The following LRCH4 variants were observed in gnomAD, a reference collection of about 807,000 sequenced individuals.
LRCH4 encodes the protein leucine rich repeats and calponin homology domain containing 4.
Under a neutral mutation model 81.2 loss-of-function variants are expected in LRCH4, and 56 were observed. The ratio of observed to expected loss-of-function variants is 0.69; its 90% CI spans 0.56 to 0.86. The LOEUF is 0.86. LRCH4 is among the 40% of genes least tolerant of loss of function. LRCH4 has a pLI of 0.00. For missense variants in LRCH4, 895 were observed against 922.8 expected (o/e 0.97, Z 0.39); for synonymous variants, 442 against 409.7 (o/e 1.08, Z -0.95).
At chr7:100,576,654 G>T in intron 14 of LRCH4, 40 bp downstream of exon 14, 1 of 1,517,386 alleles carries the variant, frequency 6.6e-7, no homozygotes, top group Non-Finnish European at 9.0e-7. Context: ...GTTGGTGCTG[G>T]CAAGCACTGG....
rs1370635881 is a variant in LRCH4 at position 100,578,560 on chromosome 7, C to T, written c.736-49G>A. On this transcript the variant is annotated intron_variant, in intron 5 of 17. Transcript: ENST00000310300. The surrounding 1 kb of genome is among the most constrained non-coding windows in gnomAD (Gnocchi z 5.7). Reference sequence around the variant, plus strand: ...AGGGAGTTGGCAGGGAGGGCAGCTCCCCGGATCCTGCTCAGCTATCCAAGG... The same window carrying T: ...AGGGAGTTGGCAGGGAGGGCAGCTCTCCGGATCCTGCTCAGCTATCCAAGG... 6.2e-7 allele frequency: 1 copy of T among 1,602,466 alleles called. No homozygotes were observed. Among genetic ancestry groups the T allele is most frequent in the Non-Finnish European group, 8.5e-7 (1 of 1,172,766 alleles).
Position 100,581,786 on chromosome 7 carries a change from G to A in LRCH4, c.589C>T (p.Leu197=). The stretch of plus-strand genomic sequence containing the variant: ...TCTTCATTCTTCTCACCTTCGGGCA[G>A]CGTACTGAGCTGGTTCCTCCGGACA... ...LNVRRNQLST[L]PEELGDLPLV... is the part of the protein sequence containing the mutation. Residue 197 remains leucine, a synonymous_variant, in exon 4 of 18, where the codon CTG becomes TTG. Transcript: ENST00000310300. 6.2e-7 allele frequency: 1 copy of A among 1,614,140 alleles called. No homozygotes were observed. Among genetic ancestry groups the A allele is most frequent in the Non-Finnish European group, 8.5e-7 (1 of 1,179,972 alleles).
In LRCH4 at chr7:100,577,544, G is replaced by A. The variant is rs146289675; in HGVS notation, c.1131C>T (p.Pro377=). 235 of 1,610,640 alleles carry A rather than the reference G, an allele frequency of 1.5e-4. 1 individual carries two copies. The highest frequency in any genetic ancestry group is 1.8e-4 in the Non-Finnish European group (217 of 1,179,930). The stretch of plus-strand genomic sequence containing the variant: ...TGTCCCCTGCCCCAGGGCTTAATTC[G>A]GGTGGTCGCTGCTCCTAAGGAGAGA... ...ERGTVEEQRP[P]ELSPGAGDRE... The change falls in exon 10 of 18, where the codon CCC becomes CCT. Residue 377 remains proline, a synonymous_variant. Transcript: ENST00000310300. The surrounding 1 kb of genome is among the most constrained non-coding windows in gnomAD (Gnocchi z 6.7).
intron 4 of LRCH4, chr7:100,579,023 C>G (rs1479064862): frequency 1.7e-5 from 9 of 544,062 alleles, no homozygotes; most frequent in Non-Finnish European, 2.9e-5. Context: ...CTCAGCTTCC[C>G]CGGGAAGGCC....
rs1801737415 is a variant in LRCH4, at chr7:100,586,079, G to C, written c.22C>G (p.Pro8Ala). Residue 8 changes from proline to alanine, a missense_variant, in exon 1 of 18, where the codon CCA becomes GCA. Transcript: ENST00000310300. ...GCCTCCTCACCCCCGGCGGCGAGTG[G>C]AGCCGCTACGGCCGCCGCCATCCGC... MAAAVAA[P>A]LAAGGEEAAA... 7 of 1,543,872 alleles carry C rather than the reference G, an allele frequency of 4.5e-6. No individual in the cohort carries two copies. Among genetic ancestry groups the C allele is most frequent in the Admixed American group, 2.0e-5 (1 of 50,244 alleles).
Position 100,577,971 on chromosome 7 carries a change from T to TG in LRCH4, c.949-60dup, listed in dbSNP as rs147314525. 3.9e-3 allele frequency: 5,666 copies of TG among 1,436,642 alleles called. 204 individuals are homozygous for TG. The African/African-American group carries it at 0.071, about 18-fold the overall frequency. 89.0% of individuals were successfully genotyped at this position (1,436,642 alleles called of 1,614,324 possible). ...TCTCTGTACATGGGGGCTCAGGACCTGGGGGGTCCTGTGTGGGACTAAGCT... is the reference window on the plus strand; with the variant it reads ...TCTCTGTACATGGGGGCTCAGGACCTGGGGGGGTCCTGTGTGGGACTAAGCT... On this transcript the variant is annotated intron_variant, in intron 7 of 17. Transcript: ENST00000310300. This position sits in a 1 kb window ranked among gnomAD's most constrained non-coding sequence, Gnocchi z 6.7.
At position 100,575,290 on chromosome 7, in the gene LRCH4, C is replaced by T. The variant is rs1472692862; in HGVS notation, c.1869G>A (p.Ser623=). ...CAGTGCCCTGGAGGAGATCCGAGGGCGAGCACAGGTCAGCCTGGGGGAGAG... is the reference window on the plus strand; with the variant it reads ...CAGTGCCCTGGAGGAGATCCGAGGGTGAGCACAGGTCAGCCTGGGGGAGAG... ...KMGVPEADLC[S]PSDLLQGTAR... Residue 623 remains serine, a synonymous_variant, in exon 18 of 18, where the codon TCG becomes TCA. Transcript: ENST00000310300. This position sits in a 1 kb window ranked among gnomAD's most constrained non-coding sequence, Gnocchi z 5.3. 9.0e-6 allele frequency: 14 copies of T among 1,553,668 alleles called. No homozygotes were observed. The highest frequency in any genetic ancestry group is 1.7e-4 in the Middle Eastern group (1 of 5,960).
chr7:100,584,954 GCCT>G (rs1801679214), intron 1 of LRCH4: 1 of 366,202 alleles, frequency 2.7e-6, no homozygotes, highest in African/African-American at 2.1e-5. Flanking sequence ...GTCATAGGCT[GCCT>G]CCTGAGTAGC....
rs1397287169 is a variant in LRCH4 at position 100,583,597 on chromosome 7, TGA to T, written c.221-1140_221-1139del. On this transcript the variant is annotated intron_variant, in intron 1 of 17. Coordinates refer to ENST00000310300, the MANE Select transcript of LRCH4 (RefSeq NM_002319.5). This position sits in a 1 kb window ranked among gnomAD's most constrained non-coding sequence, Gnocchi z 4.3. ...AGGAAATGAGTCTTGTGACAGGAAATGAAGTAGAAACAATCTGTCAGGTTCTG... is the reference window on the plus strand; with the variant it reads ...AGGAAATGAGTCTTGTGACAGGAAATAGTAGAAACAATCTGTCAGGTTCTG... Among the ~76,000 whole-genome samples, 1 of 152,078 alleles carries T rather than the reference TGA, an allele frequency of 6.6e-6. No individual in the cohort carries two copies. Among genetic ancestry groups the T allele is most frequent in the African/African-American group, 2.4e-5 (1 of 41,408 alleles).
intron 15 of LRCH4, 83 bp downstream of exon 15, chr7:100,576,155 G>A (rs1007306168): frequency 1.6e-5 from 24 of 1,511,560 alleles, no homozygotes; most frequent in Non-Finnish European, 1.9e-5. Context: ...CAGAGGATGT[G>A]GAGGGAGGCT....
In LRCH4 at chr7:100,582,109, T is replaced by C; in HGVS notation, c.424A>G (p.Ile142Val). The C allele has an allele frequency of 1.2e-6, 2 of 1,612,526 alleles. No individual in the cohort carries two copies. Among genetic ancestry groups the C allele is most frequent in the Middle Eastern group, 3.9e-4 (2 of 5,128 alleles). The change falls in exon 3 of 18, where the codon ATC (isoleucine) becomes GTC (valine). Residue 142 changes from isoleucine (I) to valine (V), a missense_variant. Physicochemically the swap from Ile to Val is conservative, Grantham distance 29. Coordinates refer to ENST00000310300, the MANE Select transcript of LRCH4 (RefSeq NM_002319.5). This position sits in a 1 kb window ranked among gnomAD's most constrained non-coding sequence, Gnocchi z 5.0. ...YICQLPLRVLIVSNNKLGALP... is the reference protein window; with the variant it reads ...YICQLPLRVLVVSNNKLGALP... ...GCTCCCAGCTTGTTGTTGCTGACGATGAGGACCCTCAGGGGCAGCTGGCAG... is the reference window on the plus strand; with the variant it reads ...GCTCCCAGCTTGTTGTTGCTGACGACGAGGACCCTCAGGGGCAGCTGGCAG...
chr7:100,582,048 C>T lies in LRCH4; in HGVS notation c.485G>A (p.Arg162Gln), dbSNP rs1181461905. ...TCCCGTCCCCATCCTCACAAGCTGT[C>T]GCAGGCTTCCCAGGGTGCCGATGTC... ...PPDIGTLGSL[R>Q]QLDVSSNELQ... Residue 162 changes from arginine (R) to glutamine (Q), a missense_variant, in exon 3 of 18, where the codon CGA becomes CAA. Coordinates refer to ENST00000310300, the MANE Select transcript of LRCH4 (RefSeq NM_002319.5). This position sits in a 1 kb window ranked among gnomAD's most constrained non-coding sequence, Gnocchi z 5.0. 1.1e-5 allele frequency: 17 copies of T among 1,609,244 alleles called. No individual in the cohort carries two copies. Among genetic ancestry groups the T allele is most frequent in the Non-Finnish European group, 1.4e-5 (16 of 1,178,582 alleles).
intron 3 of LRCH4, 49 bp from the exon 4 acceptor site, chr7:100,581,931 G>A (rs754972810): frequency 6.2e-7 from 1 of 1,610,934 alleles, no homozygotes; most frequent in South Asian, 1.1e-5. Flanking sequence ...AGGCCCAGCA[G>A]AACCCACCCT....
intron 4 of LRCH4, among the ~76,000 whole-genome samples, chr7:100,581,135 C>G (rs1371055323): frequency 6.6e-6 from 1 of 152,176 alleles, no homozygotes; most frequent in African/African-American, 2.4e-5. Flanking sequence ...CCTTGAAGGC[C>G]CCTTCTGACC....
chr7:100,578,351 G>A lies in LRCH4; in HGVS notation c.848+48C>T, dbSNP rs1457451336. On this transcript the variant is annotated intron_variant, in intron 6 of 17. Transcript: ENST00000310300. This position sits in a 1 kb window ranked among gnomAD's most constrained non-coding sequence, Gnocchi z 5.7. ...AGCAGGGGGTGCCTGGGGCCGGGAAGGGGCATTCAGTATCCCAGGGCTTCC... is the reference window on the plus strand; with the variant it reads ...AGCAGGGGGTGCCTGGGGCCGGGAAAGGGCATTCAGTATCCCAGGGCTTCC... The A allele has an allele frequency of 1.9e-6, 3 of 1,601,128 alleles. No individual in the cohort carries two copies. The highest frequency in any genetic ancestry group is 2.6e-6 in the Non-Finnish European group (3 of 1,168,456).
In LRCH4 at chr7:100,576,988, C is replaced by A. The variant is rs369601562; in HGVS notation, c.1382G>T (p.Ser461Ile). 4 of 1,608,332 alleles carry A rather than the reference C, an allele frequency of 2.5e-6. No homozygotes were observed. The highest frequency in any genetic ancestry group is 1.3e-5 in the African/African-American group (1 of 74,842). The change falls in exon 13 of 18, where the codon AGT (serine) becomes ATT (isoleucine). Residue 461 changes from serine (S) to isoleucine (I), a missense_variant. This residue lies in a region of LRCH4 where 529 missense variants were observed against 504.9 expected (regional missense o/e 1.05). Coordinates refer to ENST00000310300, the MANE Select transcript of LRCH4 (RefSeq NM_002319.5). ...CGCTGCAGCCCCTGCTTGGGAGGCA[C>A]TGGACTTAGGCGAGCCGCTGAGGAG... ...QAMHNGSPKS[S>I]ASQAGAAAGQ...
intron 14 of LRCH4, 120 bp from the exon 15 acceptor site, chr7:100,576,443 T>C (rs574850539): frequency 1.4e-6 from 1 of 727,276 alleles, no homozygotes; most frequent in East Asian, 2.7e-5. Context: ...TTTTTTTATT[T>C]CATGGAGATG....
chr7:100,581,554 T>C (rs1584409134), intron 4 of LRCH4: 1 of 497,714 alleles, frequency 2.0e-6, no homozygotes, highest in Non-Finnish European at 3.6e-6. Context: ...CTCTCCGCCA[T>C]CGGAGAGTAC....
In LRCH4 at chr7:100,582,205, G is replaced by C. The variant is rs1482538844; in HGVS notation, c.366-38C>G. On this transcript the variant is annotated intron_variant, in intron 2 of 17. Coordinates refer to ENST00000310300, the MANE Select transcript of LRCH4 (RefSeq NM_002319.5). The surrounding 1 kb of genome is among the most constrained non-coding windows in gnomAD (Gnocchi z 5.0). Reference sequence around the variant, plus strand: ...GAAAGGCAGCGGACTGGCTCCCCAGGCATGGCATCCCAGCACTGCCATCCT... The same window carrying C: ...GAAAGGCAGCGGACTGGCTCCCCAGCCATGGCATCCCAGCACTGCCATCCT... 1 of 1,613,392 alleles carries C rather than the reference G, an allele frequency of 6.2e-7. No individual in the cohort carries two copies. The highest frequency in any genetic ancestry group is 1.7e-5 in the Admixed American group (1 of 59,966).
Sources: gnomAD v4.1 joint callset for allele counts (sites outside exome capture counted in the v4.1 genomes callset) on GRCh38, gnomAD v4.1.1 for gene constraint, gnomAD v4.1.1 regional missense constraint, Gnocchi (gnomAD v3.1) non-coding constraint, MANE v1.5 for transcripts, NCBI Gene and HGNC (gene_info 2026-07-23, HGNC 2026-07-21) for gene names.